Variants in SYNE1 observed in about 807,000 individuals in gnomAD.
SYNE1 encodes nesprin-1.
A neutral mutation model predicts 1,111.0 loss-of-function variants in SYNE1; 616 were observed. That is an observed-to-expected ratio of 0.55 (90% CI 0.52 to 0.59). The LOEUF (loss-of-function observed/expected upper bound fraction) is 0.59, where lower values mean the gene tolerates loss of function less well. Among genes scored for constraint, SYNE1 ranks in the 20% least tolerant of loss-of-function variants. The pLI is 0.00. For missense variants in SYNE1, 10,006 were observed against 10,417.0 expected (o/e 0.96, Z 1.72); for synonymous variants, 3,855 against 3,825.8 (o/e 1.01, Z -0.28).
chr6:152,473,226 T>A (rs2154280789), intron 14 of SYNE1, among the ~76,000 whole-genome samples: 1 of 152,328 alleles, frequency 6.6e-6, no homozygotes, highest in Non-Finnish European at 1.5e-5. Flanking sequence ...GAGCTTAGTT[T>A]GTGTCTTGAT....
intron 108 of SYNE1, among the ~76,000 whole-genome samples, 187 bp downstream of exon 108, chr6:152,239,346 T>G (rs547381622): frequency 6.6e-6 from 1 of 152,234 alleles, no homozygotes; most frequent in East Asian, 1.9e-4. Context: ...GATAGCCCAA[T>G]GTACACAGAA....
At chr6:152,239,511 G>A (rs754062975) in intron 108 of SYNE1, 22 bp downstream of exon 108, 2 of 1,613,994 alleles carry the variant, frequency 1.2e-6, no homozygotes, top group Admixed American at 3.3e-5. Flanking sequence ...CAGCACAGAA[G>A]ATATGACATC....
Position 152,214,899 on chromosome 6 carries a change from A to T in SYNE1, c.22346+7T>A, listed in dbSNP as rs1209321050. 5 of 1,614,058 alleles carry T rather than the reference A, an allele frequency of 3.1e-6. No individual in the cohort carries two copies. The Admixed American group carries it at 8.3e-5, about 27-fold the overall frequency. On this transcript the variant is annotated splice_region_variant and intron_variant, in intron 122 of 145. Coordinates refer to ENST00000367255, the MANE Select transcript of SYNE1 (RefSeq NM_182961.4). The stretch of plus-strand genomic sequence containing the variant: ...GGAGCAACCAAGACATCTCTTGTTT[A>T]CTCTACCTGAATCTTTCTGTAGTCT...
At position 152,551,187 on chromosome 6, in the gene SYNE1, A is replaced by G. The variant is rs150938629; in HGVS notation, c.68-11166T>C. Among the ~76,000 whole-genome samples, 441 of 152,272 alleles carry G rather than the reference A, an allele frequency of 2.9e-3. 1 individual carries two copies. The highest frequency in any genetic ancestry group is 9.9e-3 in the African/African-American group (410 of 41,548). On this transcript the variant is annotated intron_variant, in intron 3 of 145. Coordinates refer to ENST00000367255, the MANE Select transcript of SYNE1 (RefSeq NM_182961.4). Reference sequence around the variant, plus strand: ...TACCTTGTATCTGTACAGCACTTGAACTTATTCATGTTTTGTATACATTTC... The same window carrying G: ...TACCTTGTATCTGTACAGCACTTGAGCTTATTCATGTTTTGTATACATTTC...
intron 145 of SYNE1, chr6:152,126,219 G>A (rs900659034): frequency 2.6e-5 from 4 of 152,174 alleles, no homozygotes; most frequent in African/African-American, 9.7e-5. Context: ...GAAAATATCC[G>A]AACTATCCAC....
chr6:152,426,244 G>A (rs2098352793), intron 38 of SYNE1, among the ~76,000 whole-genome samples: 2 of 152,246 alleles, frequency 1.3e-5, no homozygotes, highest in African/African-American at 4.8e-5. Flanking sequence ...ACAGCAGATA[G>A]TAGATACTTG....
rs73782985 is a variant in SYNE1, at chr6:152,627,899, C to T, written c.67+366G>A. ...ATAGCATATAGCTATATGTCCACAA[C>T]TTGTCCATAATCTATCAAAACAACT... On this transcript the variant is annotated intron_variant, in intron 3 of 145. Coordinates refer to ENST00000367255, the MANE Select transcript of SYNE1 (RefSeq NM_182961.4). Among the ~76,000 whole-genome samples, 1,196 of 152,266 alleles carry T rather than the reference C, an allele frequency of 7.9e-3. 16 individuals are homozygous for T. Among genetic ancestry groups the T allele is most frequent in the African/African-American group, 0.025 (1,031 of 41,544 alleles).
intron 3 of SYNE1, among the ~76,000 whole-genome samples, chr6:152,609,708 C>T (rs1012736071): frequency 6.6e-6 from 1 of 152,188 alleles, no homozygotes; most frequent in Non-Finnish European, 1.5e-5. Context: ...AACTGGGATA[C>T]ACCTCCCAGT....
chr6:152,192,280 T>C (rs2072667323), intron 127 of SYNE1, among the ~76,000 whole-genome samples: 1 of 152,212 alleles, frequency 6.6e-6, no homozygotes. Flanking sequence ...GCAGTGCAGA[T>C]TAACTCCAGT....
chr6:152,218,059 G>A (rs1483879311), intron 121 of SYNE1, among the ~76,000 whole-genome samples, 198 bp downstream of exon 121: 2 of 151,980 alleles, frequency 1.3e-5, no homozygotes, highest in African/African-American at 4.8e-5. Flanking sequence ...GCCAGGAGTG[G>A]TGGCGTGCCC....
chr6:152,248,445 T>C (rs2088072551), intron 105 of SYNE1, among the ~76,000 whole-genome samples: 2 of 130,278 alleles, frequency 1.5e-5, no homozygotes, highest in Admixed American at 8.5e-5. Context: ...CATACACTTA[T>C]GCTGCATATT....
intron 52 of SYNE1, 91 bp from the exon 53 acceptor site, chr6:152,390,543 G>T: frequency 7.6e-7 from 1 of 1,312,322 alleles, no homozygotes; most frequent in Non-Finnish European, 1.1e-6. Flanking sequence ...AATTGAAGTA[G>T]GAATACTTTA....
At chr6:152,402,737 G>C (rs545563612) in intron 46 of SYNE1, 38 of 150,146 alleles carry the variant, frequency 2.5e-4, no homozygotes, top group African/African-American at 9.2e-4. Context: ...ACACGTGTGT[G>C]TGTGTGTGAG....
chr6:152,455,006 A>C (rs2098685847), intron 24 of SYNE1, among the ~76,000 whole-genome samples: 1 of 152,210 alleles, frequency 6.6e-6, no homozygotes, highest in African/African-American at 2.4e-5. Context: ...TACTGGGACA[A>C]GTTGTGTATC....
intron 125 of SYNE1, among the ~76,000 whole-genome samples, chr6:152,207,328 A>T (rs1215495443): frequency 1.3e-5 from 2 of 152,206 alleles, no homozygotes; most frequent in Non-Finnish European, 2.9e-5. Flanking sequence ...GGTTAGAAAC[A>T]CAAGTCAAAA....
At chr6:152,165,624 A>G (rs1021507855) in intron 130 of SYNE1, among the ~76,000 whole-genome samples, 3 of 152,234 alleles carry the variant, frequency 2.0e-5, no homozygotes, top group African/African-American at 7.2e-5. Context: ...GAAAATGAAA[A>G]TATGTTACAA....
chr6:152,543,465 T>C (rs867833162), intron 3 of SYNE1, among the ~76,000 whole-genome samples: 3 of 152,218 alleles, frequency 2.0e-5, no homozygotes, highest in Admixed American at 6.5e-5. Flanking sequence ...TTAAATCTGA[T>C]ACCAACAACA....
At chr6:152,303,567 G>T (rs959600661) in intron 91 of SYNE1, among the ~76,000 whole-genome samples, 10 of 151,642 alleles carry the variant, frequency 6.6e-5, no homozygotes, top group African/African-American at 2.4e-4. Flanking sequence ...GAGGGGCGTT[G>T]GTTCTAGGAA....
At chr6:152,274,955 T>C (rs1007708061) in intron 98 of SYNE1, among the ~76,000 whole-genome samples, 5 of 152,180 alleles carry the variant, frequency 3.3e-5, no homozygotes, top group African/African-American at 1.2e-4. Flanking sequence ...GGCACAATCA[T>C]AGCTCGCTGC....
Sources: allele counts gnomAD v4.1 joint callset (sites outside exome capture counted in the v4.1 genomes callset), GRCh38; gene constraint gnomAD v4.1.1; transcripts MANE v1.5; gene names NCBI Gene and HGNC (gene_info 2026-07-23, HGNC 2026-07-21).